Variants in PTPRD observed in about 807,000 individuals in gnomAD.
PTPRD encodes protein tyrosine phosphatase receptor type D, also known as receptor-type tyrosine-protein phosphatase delta.
Under a neutral mutation model 214.5 loss-of-function variants are expected in PTPRD, and 34 were observed. That is an observed-to-expected ratio of 0.16 (90% CI 0.12 to 0.21). PTPRD has a LOEUF of 0.21. Ranked by LOEUF, PTPRD falls within the 10% of genes least tolerant of loss-of-function variation. The pLI is 1.00. For synonymous variants in PTPRD, 1,128 were observed against 845.7 expected, an observed-to-expected ratio of 1.33 and a Z score of -5.79; for missense variants, 2,545 against 2,398.7, an observed-to-expected ratio of 1.06 and a Z score of -1.27.
At chr9:9,355,880 A>G (rs2053567262) in intron 9 of PTPRD, among the ~76,000 whole-genome samples, 2 of 151,524 alleles carry the variant, frequency 1.3e-5, no homozygotes, top group Non-Finnish European at 1.5e-5. Flanking sequence ...AAACAGAAGA[A>G]AAGCCAAAGT....
chr9:10,332,148 C>T (rs1464294144), intron 3 of PTPRD, among the ~76,000 whole-genome samples: 2 of 151,816 alleles, frequency 1.3e-5, no homozygotes, highest in Non-Finnish European at 2.9e-5. Flanking sequence ...CTTCTTTTCC[C>T]TTGAAAATTT....
At position 9,218,226 on chromosome 9, in the gene PTPRD, T is replaced by C. The variant is rs541240684; in HGVS notation, c.-202-34863A>G. The stretch of plus-strand genomic sequence containing the variant: ...TCACAATGTCAAACTTCTGTCTTGT[T>C]TTGGTTTCAATTTTTTCTCTTTATA... On this transcript the variant is annotated intron_variant, in intron 9 of 45. Transcript: ENST00000381196. Among the ~76,000 whole-genome samples, 7 of 152,286 alleles carry C rather than the reference T, an allele frequency of 4.6e-5. No individual in the cohort carries two copies. In the South Asian group the frequency reaches 1.5e-3, roughly 32 times the overall value.
chr9:9,812,955 AAG>A (rs1198432814), intron 5 of PTPRD, among the ~76,000 whole-genome samples: 1 of 152,160 alleles, frequency 6.6e-6, no homozygotes, highest in Non-Finnish European at 1.5e-5. Context: ...CATATTTGGT[AAG>A]ATTGGTATCA....
At chr9:8,903,850 T>C (rs2098689584) in intron 11 of PTPRD, among the ~76,000 whole-genome samples, 1 of 146,630 alleles carries the variant, frequency 6.8e-6, no homozygotes, top group Admixed American at 6.7e-5. Context: ...AATGGTTGAC[T>C]TAAATATTGT....
intron 7 of PTPRD, among the ~76,000 whole-genome samples, chr9:9,619,028 C>A (rs1049627603): frequency 6.6e-6 from 1 of 151,922 alleles, no homozygotes; most frequent in Non-Finnish European, 1.5e-5. Flanking sequence ...ACAGAGAAAA[C>A]AAGAAAAAGA....
intron 5 of PTPRD, among the ~76,000 whole-genome samples, chr9:9,854,794 A>C (rs2061237910): frequency 6.6e-6 from 1 of 152,142 alleles, no homozygotes; most frequent in Non-Finnish European, 1.5e-5. Context: ...ACCTTTTGCT[A>C]ATTTTGACAG....
chr9:10,126,396 T>C (rs2154253127), intron 3 of PTPRD, among the ~76,000 whole-genome samples: 2 of 151,102 alleles, frequency 1.3e-5, no homozygotes, highest in African/African-American at 2.4e-5. Context: ...GTATTGAAAT[T>C]TGATTCCTTA....
At chr9:9,606,990 A>T (rs1315403369) in intron 7 of PTPRD, among the ~76,000 whole-genome samples, 1 of 147,694 alleles carries the variant, frequency 6.8e-6, no homozygotes, top group Non-Finnish European at 1.5e-5. Context: ...AAAAAAAAAA[A>T]AAAAAAAAAA....
At chr9:8,434,835 C>A (rs969893428) in intron 35 of PTPRD, among the ~76,000 whole-genome samples, 1 of 152,026 alleles carries the variant, frequency 6.6e-6, no homozygotes, top group Non-Finnish European at 1.5e-5. Flanking sequence ...GAGCCCTAAG[C>A]CCTAAATTAG....
At chr9:9,970,533 G>A (rs7870686) in intron 4 of PTPRD, among the ~76,000 whole-genome samples, 33,269 of 151,726 alleles carry the variant, frequency 0.22, 4,565 homozygotes, top group African/African-American at 0.38. Context: ...GGCTCTTAGT[G>A]CAGCAGGTAT....
intron 5 of PTPRD, among the ~76,000 whole-genome samples, chr9:9,827,694 A>G (rs1175795684): frequency 2.0e-5 from 3 of 152,202 alleles, no homozygotes; most frequent in Non-Finnish European, 4.4e-5. Context: ...GCACAGCAAA[A>G]GAAACTATCA....
intron 10 of PTPRD, among the ~76,000 whole-genome samples, chr9:9,113,937 A>T (rs1439059358): frequency 6.6e-6 from 1 of 152,160 alleles, no homozygotes; most frequent in Non-Finnish European, 1.5e-5. Context: ...TTTGGAGCAA[A>T]AGAGTATGAG....
At chr9:8,840,451 T>C (rs1007325000) in intron 11 of PTPRD, among the ~76,000 whole-genome samples, 13 of 152,216 alleles carry the variant, frequency 8.5e-5, no homozygotes, top group Non-Finnish European at 1.8e-4. Flanking sequence ...CCACATGGAA[T>C]TGCAAGTCTA....
intron 12 of PTPRD, among the ~76,000 whole-genome samples, chr9:8,702,707 A>C (rs1460761032): frequency 1.3e-5 from 2 of 152,196 alleles, no homozygotes; most frequent in Admixed American, 1.3e-4. Flanking sequence ...TCCCGTGTTC[A>C]AGCGATTCTC....
chr9:8,823,735 C>G (rs2097122045), intron 11 of PTPRD, among the ~76,000 whole-genome samples: 1 of 152,110 alleles, frequency 6.6e-6, no homozygotes, highest in Non-Finnish European at 1.5e-5. Flanking sequence ...CATTTTGTTA[C>G]AGGAAAGGAG....
chr9:8,328,667 A>T (rs897864194), intron 44 of PTPRD, among the ~76,000 whole-genome samples: 5 of 151,712 alleles, frequency 3.3e-5, no homozygotes, highest in Non-Finnish European at 7.4e-5. Flanking sequence ...CAGGTAAACC[A>T]ATCAAAGTAA....
intron 3 of PTPRD, among the ~76,000 whole-genome samples, chr9:10,110,500 T>A (rs571037160): frequency 6.6e-6 from 1 of 152,072 alleles, no homozygotes; most frequent in South Asian, 2.1e-4. Flanking sequence ...AATGAAAAAG[T>A]GAATCACAGA....
At chr9:9,473,500 G>C (rs2146644293) in intron 8 of PTPRD, among the ~76,000 whole-genome samples, 1 of 152,242 alleles carries the variant, frequency 6.6e-6, no homozygotes, top group African/African-American at 2.4e-5. Context: ...GAGTGAGATT[G>C]CTGGAGTGCA....
chr9:9,853,889 C>T (rs572905289), intron 5 of PTPRD, among the ~76,000 whole-genome samples: 64 of 152,268 alleles, frequency 4.2e-4, no homozygotes, highest in African/African-American at 1.5e-3. Context: ...CATAATTGTA[C>T]ATATTTAATG....
Sources: allele counts gnomAD v4.1 joint callset (sites outside exome capture counted in the v4.1 genomes callset), GRCh38; gene constraint gnomAD v4.1.1; transcripts MANE v1.5; gene names NCBI Gene and HGNC (gene_info 2026-07-23, HGNC 2026-07-21).